Variants in ZC3H12B observed in about 807,000 individuals in gnomAD.
The protein encoded by ZC3H12B is probable ribonuclease ZC3H12B.
In ZC3H12B, 7 loss-of-function variants were observed where a neutral mutation model predicts 43.9. The observed-to-expected ratio is 0.16, with a 90% CI of 0.09 to 0.30. The LOEUF is 0.30. Among genes scored for constraint, ZC3H12B ranks in the 10% least tolerant of loss-of-function variants. The pLI, the probability that ZC3H12B is intolerant of heterozygous loss-of-function variation, is 1.00. For missense variants in ZC3H12B, 475 were observed against 670.2 expected (o/e 0.71, Z 3.22); for synonymous variants, 222 against 241.7 (o/e 0.92, Z 0.76).
At chrX:65,160,984 G>C in the ZC3H12B span, among the ~76,000 whole-genome samples, 4 of 111,045 alleles carry the variant, frequency 3.6e-5, no homozygotes, top group African/African-American at 1.3e-4. Context: ...TGGTTTCAAA[G>C]AACATCTTTA....
chrX:65,254,689 G>T, the ZC3H12B span, among the ~76,000 whole-genome samples: 1 of 112,136 alleles, frequency 8.9e-6, no homozygotes, highest in Non-Finnish European at 1.9e-5. Context: ...AAGATGCTGA[G>T]CAATGACTCT....
the ZC3H12B span, among the ~76,000 whole-genome samples, chrX:65,154,187 A>G: frequency 8.9e-6 from 1 of 111,815 alleles, no homozygotes; most frequent in African/African-American, 3.3e-5. Flanking sequence ...ATATGTAACT[A>G]ACCTGCACAT....
the ZC3H12B span, among the ~76,000 whole-genome samples, chrX:65,093,414 G>A: frequency 1.8e-5 from 2 of 111,774 alleles, no homozygotes; most frequent in African/African-American, 6.5e-5. Flanking sequence ...ATCCACCAAC[G>A]GTTGCACCTT....
intron 3 of ZC3H12B, among the ~76,000 whole-genome samples, chrX:65,404,223 C>CA (rs773542667): frequency 6.4e-5 from 7 of 110,130 alleles, no homozygotes; most frequent in Middle Eastern, 4.6e-3. Flanking sequence ...AAACAAACAA[C>CA]AAAAAAAATT....
chrX:65,335,820 T>C, the ZC3H12B span, among the ~76,000 whole-genome samples: 1 of 111,953 alleles, frequency 8.9e-6, no homozygotes, highest in Non-Finnish European at 1.9e-5. Flanking sequence ...AACCCCAAAA[T>C]TCCTGTTCCC....
chrX:65,329,070 G>C, the ZC3H12B span, among the ~76,000 whole-genome samples: 1 of 110,861 alleles, frequency 9.0e-6, no homozygotes, highest in Admixed American at 9.5e-5. Flanking sequence ...ACCCAGTAAT[G>C]GGATGGCTGG....
the ZC3H12B span, among the ~76,000 whole-genome samples, chrX:65,174,307 G>C: frequency 2.0e-4 from 22 of 112,546 alleles, no homozygotes; most frequent in Non-Finnish European, 3.8e-4. Flanking sequence ...TTTTTCAAAA[G>C]TGACGTTGTG....
the ZC3H12B span, among the ~76,000 whole-genome samples, chrX:65,065,931 A>G: frequency 1.9e-5 from 2 of 105,157 alleles, no homozygotes; most frequent in Admixed American, 2.1e-4. Flanking sequence ...TGCTTGATCA[A>G]TTTGGCTATT....
At chrX:65,300,851 TA>T in the ZC3H12B span, among the ~76,000 whole-genome samples, 2 of 111,004 alleles carry the variant, frequency 1.8e-5, no homozygotes, top group Non-Finnish European at 3.8e-5. Flanking sequence ...TAAATTAAAC[TA>T]AAAAGCTTAT....
At chrX:65,465,468 T>G (rs2067805668) in intron 3 of ZC3H12B, among the ~76,000 whole-genome samples, 1 of 111,337 alleles carries the variant, frequency 9.0e-6, no homozygotes, top group Admixed American at 9.6e-5. Context: ...TTTCCATTCT[T>G]TTACTTCCAC....
intron 3 of ZC3H12B, among the ~76,000 whole-genome samples, chrX:65,472,994 A>T (rs1226031316): frequency 1.3e-5 from 1 of 77,329 alleles, no homozygotes; most frequent in Non-Finnish European, 2.1e-5. Context: ...ATATATATAT[A>T]TATGTATATA....
chrX:65,298,145 A>G, the ZC3H12B span, among the ~76,000 whole-genome samples: 4 of 111,993 alleles, frequency 3.6e-5, no homozygotes, highest in Non-Finnish European at 7.5e-5. Flanking sequence ...AAAGATAAAT[A>G]GGTGGGACTT....
intron 3 of ZC3H12B, among the ~76,000 whole-genome samples, chrX:65,454,675 G>C (rs2067579196): frequency 8.9e-6 from 1 of 111,968 alleles, no homozygotes; most frequent in African/African-American, 3.3e-5. Context: ...TGGACGGACT[G>C]CCTCCTCAAG....
the ZC3H12B span, among the ~76,000 whole-genome samples, chrX:65,098,398 G>A: frequency 9.0e-6 from 1 of 111,187 alleles, no homozygotes; most frequent in Non-Finnish European, 1.9e-5. Context: ...GTAGTAGTGG[G>A]AGACTGACTG....
chrX:65,321,274 C>T, the ZC3H12B span, among the ~76,000 whole-genome samples: 1 of 111,835 alleles, frequency 8.9e-6, no homozygotes, highest in Non-Finnish European at 1.9e-5. Context: ...GACACACATT[C>T]GGCCAAGAAA....
the ZC3H12B span, among the ~76,000 whole-genome samples, chrX:65,203,718 A>G: frequency 9.0e-6 from 1 of 111,320 alleles, no homozygotes; most frequent in Non-Finnish European, 1.9e-5. Context: ...TGTGGCAAGC[A>G]CTGTCTTGGT....
chrX:65,389,227 C>A (rs908832505), intron 2 of ZC3H12B, among the ~76,000 whole-genome samples: 1 of 112,282 alleles, frequency 8.9e-6, no homozygotes, highest in Non-Finnish European at 1.9e-5. Flanking sequence ...ATGCCCTGCC[C>A]CCAGAGGTGG....
intron 3 of ZC3H12B, among the ~76,000 whole-genome samples, chrX:65,399,060 A>T (rs1602381748): frequency 8.9e-6 from 1 of 112,514 alleles, no homozygotes; most frequent in East Asian, 2.8e-4. Flanking sequence ...TAAGACCTCA[A>T]ATTGTGAAAC....
At chrX:65,087,493 T>G in the ZC3H12B span, among the ~76,000 whole-genome samples, 10 of 111,662 alleles carry the variant, frequency 9.0e-5, no homozygotes, top group African/African-American at 9.8e-5. Flanking sequence ...GATTTTAAAA[T>G]CTAAACTGAA....
Sources: allele counts gnomAD v4.1 joint callset (sites outside exome capture counted in the v4.1 genomes callset), GRCh38; gene constraint gnomAD v4.1.1; transcripts MANE v1.5; gene names NCBI Gene and HGNC (gene_info 2026-07-23, HGNC 2026-07-21).